The following ACTR8 variants were observed in gnomAD, a reference collection of about 807,000 sequenced individuals.
ACTR8 encodes actin-related protein 8.
In ACTR8, 70 loss-of-function variants were observed where a neutral mutation model predicts 84.3. The ratio of observed to expected loss-of-function variants is 0.83; its 90% CI spans 0.68 to 1.01. The LOEUF (loss-of-function observed/expected upper bound fraction) is 1.01, where lower values mean the gene tolerates loss of function less well. ACTR8 is among the 50% of genes least tolerant of loss of function. The probability of loss-of-function intolerance (pLI) is 0.00; values close to 1 mark genes in which losing one functional copy is unlikely to be tolerated. For missense variants in ACTR8, 672 were observed against 775.4 expected (o/e 0.87, Z 1.58); for synonymous variants, 268 against 275.2 (o/e 0.97, Z 0.26).
chr3:53,874,997 C>G (rs1699945259), intron 7 of ACTR8, among the ~76,000 whole-genome samples: 1 of 152,326 alleles, frequency 6.6e-6, no homozygotes, highest in South Asian at 2.1e-4. Flanking sequence ...TCTACACTCA[C>G]TAGCATGTAA....
In ACTR8 at chr3:53,871,293, C is replaced by T. The variant is rs770548322; in HGVS notation, c.1506G>A (p.Ser502=). 43 of 1,614,142 alleles carry T rather than the reference C, an allele frequency of 2.7e-5. No individual in the cohort carries two copies. The highest frequency in any genetic ancestry group is 3.3e-5 in the Admixed American group (2 of 60,014). The change falls in exon 11 of 13, where the codon TCG becomes TCA. Residue 502 remains serine (S), a synonymous_variant. Coordinates refer to ENST00000335754, the MANE Select transcript of ACTR8 (RefSeq NM_022899.5). Reference sequence around the variant, plus strand: ...GGCCCAGGGCTTTTCCTTCAAACAGCGAGATGGCAGTCTTCCTGGACATCA... The same window carrying T: ...GGCCCAGGGCTTTTCCTTCAAACAGTGAGATGGCAGTCTTCCTGGACATCA... ...TALMSRKTAI[S]LFEGKALGLD... is the part of the protein sequence containing the mutation.
the ACTR8 span, chr3:53,860,972 C>T: frequency 1.3e-5 from 2 of 152,192 alleles, no homozygotes; most frequent in Non-Finnish European, 2.9e-5. Flanking sequence ...GGTATTAAAT[C>T]ATAACTGCAT....
At position 53,880,079 on chromosome 3, in the gene ACTR8, G is replaced by A. The variant is rs751576529; in HGVS notation, c.154C>T (p.His52Tyr). The change falls in exon 2 of 13, where the codon CAT (histidine) becomes TAT (tyrosine). Residue 52 changes from histidine to tyrosine, a missense_variant. Physicochemically the swap from His to Tyr is moderately conservative, Grantham distance 83. Coordinates refer to ENST00000335754, the MANE Select transcript of ACTR8 (RefSeq NM_022899.5). ...QIQSNFIIVI[H>Y]PGSTTLRIGR... ...ATCCTTAAAGTTGTTGAACCTGGATGTATGACAATGATGAAGTTGCTCTGG... is the reference window on the plus strand; with the variant it reads ...ATCCTTAAAGTTGTTGAACCTGGATATATGACAATGATGAAGTTGCTCTGG... 1.2e-6 allele frequency: 2 copies of A among 1,614,032 alleles called. No homozygotes were observed. Among genetic ancestry groups the A allele is most frequent in the Non-Finnish European group, 1.7e-6 (2 of 1,179,908 alleles).
At position 53,882,149 on chromosome 3, in the gene ACTR8, G is replaced by A. The variant is rs1283117783; in HGVS notation, c.-48C>T. The A allele has an allele frequency of 6.5e-7, 1 of 1,543,658 alleles. No homozygotes were observed. On this transcript the variant is annotated 5_prime_UTR_variant, in exon 1 of 13. Transcript: ENST00000335754. ...CCTCTCGCCTCAGCGCTGCAGCCAC[G>A]ACTGCCGGGATGGAAGGGCCACCGC... is the stretch of plus-strand genomic sequence containing the variant.
chr3:53,881,388 T>G (rs1700057413), intron 1 of ACTR8, among the ~76,000 whole-genome samples: 1 of 152,372 alleles, frequency 6.6e-6, no homozygotes, highest in East Asian at 1.9e-4. Flanking sequence ...GGCACGCTAC[T>G]GCAAATAATT....
chr3:53,870,489 A>G lies in ACTR8; in HGVS notation c.1568-344T>C, dbSNP rs950879759. On this transcript the variant is annotated intron_variant, in intron 11 of 12. Transcript: ENST00000335754. This position sits in a 1 kb window ranked among gnomAD's most constrained non-coding sequence, Gnocchi z 4.1. ...AACATAGTGAAACCCTGTCTCTACT[A>G]AAAATACAAAAAGTAGCCGGGCATG... Among the ~76,000 whole-genome samples, 25 of 152,120 alleles carry G rather than the reference A, an allele frequency of 1.6e-4. No homozygotes were observed. The highest frequency in any genetic ancestry group is 6.0e-4 in the African/African-American group (25 of 41,404).
intron 3 of ACTR8, 62 bp downstream of exon 3, chr3:53,878,295 G>A: frequency 8.2e-7 from 1 of 1,222,074 alleles, no homozygotes; most frequent in East Asian, 2.3e-5. Context: ...GGAAGAACAT[G>A]TGAATGGTAT....
At position 53,872,462 on chromosome 3, in the gene ACTR8, CAA is replaced by C; in HGVS notation, c.1222_1223del (p.Leu408AlafsTer9). ...FGIVGQKMTT[L>X]QHRSQGDPED... is the part of the protein sequence containing the mutation. ...CAGGATCGCCCTGAGATCTGTGCTG[CAA>C]AGTCGTCATTTTCTGTCCAACGATT... On this transcript the variant is annotated frameshift_variant, in exon 10 of 13. Coordinates refer to ENST00000335754, the MANE Select transcript of ACTR8 (RefSeq NM_022899.5). LOFTEE classifies it high-confidence loss of function. The C allele has an allele frequency of 6.2e-7, 1 of 1,610,952 alleles. No homozygotes were observed. Among genetic ancestry groups the C allele is most frequent in the Non-Finnish European group, 8.5e-7 (1 of 1,178,936 alleles).
rs2107072794 is a variant in ACTR8 at position 53,878,474 on chromosome 3, A to G, written c.295-7T>C. ...GTTCATTACTTTCTGGTTTCTGGGGAAAAAATGAAAGATGAGCAGTACAAA... is the reference window on the plus strand; with the variant it reads ...GTTCATTACTTTCTGGTTTCTGGGGGAAAAATGAAAGATGAGCAGTACAAA... On this transcript the variant is annotated splice_region_variant and splice_polypyrimidine_tract_variant and intron_variant, in intron 2 of 12. Transcript: ENST00000335754. The G allele has an allele frequency of 1.3e-6, 2 of 1,561,908 alleles. No homozygotes were observed. The highest frequency in any genetic ancestry group is 1.8e-6 in the Non-Finnish European group (2 of 1,135,404).
the ACTR8 span, chr3:53,860,440 T>G: frequency 9.9e-6 from 4 of 403,506 alleles, no homozygotes; most frequent in Non-Finnish European, 1.8e-5. Context: ...CTTCCAGATC[T>G]TCTGACTGTC....
At chr3:53,879,829 A>T in intron 2 of ACTR8, 110 bp downstream of exon 2, 1 of 1,140,208 alleles carries the variant, frequency 8.8e-7, no homozygotes, top group East Asian at 2.4e-5. Context: ...TTAATGTTTT[A>T]AAACACAGCA....
At chr3:53,873,155 G>C (rs1461577640) in intron 8 of ACTR8, 28 bp from the exon 9 acceptor site, 5 of 1,527,556 alleles carry the variant, frequency 3.3e-6, no homozygotes, top group Non-Finnish European at 9.0e-7. Flanking sequence ...TGCTGTCAGT[G>C]AATCAGTAAG....
chr3:53,872,539 A>G lies in ACTR8; in HGVS notation c.1162-15T>C. 1 of 1,569,332 alleles carries G rather than the reference A, an allele frequency of 6.4e-7. No individual in the cohort carries two copies. Reference sequence around the variant, plus strand: ...GCCATTGGAGCCTGTACATGAAGAAAAAGAGTGATCAACAAAAGATACTGC... The same window carrying G: ...GCCATTGGAGCCTGTACATGAAGAAGAAGAGTGATCAACAAAAGATACTGC... On this transcript the variant is annotated splice_polypyrimidine_tract_variant and intron_variant, in intron 9 of 12. Coordinates refer to ENST00000335754, the MANE Select transcript of ACTR8 (RefSeq NM_022899.5).
Position 53,870,111 on chromosome 3 carries a change from G to A in ACTR8, c.1602C>T (p.Ser534=). The part of the protein sequence containing the change: ...SDDTKKKMYS[S]ILVVGGGLMF... ...TCAAACCACCTCCCACCACTAGGAT[G>A]GAGCTGTACATCTTCTTTTTGGTGT... The change falls in exon 12 of 13, where the codon TCC becomes TCT. Residue 534 remains serine (S), a synonymous_variant. Coordinates refer to ENST00000335754, the MANE Select transcript of ACTR8 (RefSeq NM_022899.5). The surrounding 1 kb of genome is among the most constrained non-coding windows in gnomAD (Gnocchi z 4.1). The A allele has an allele frequency of 6.2e-7, 1 of 1,614,076 alleles. No individual in the cohort carries two copies. Among genetic ancestry groups the A allele is most frequent in the South Asian group, 1.1e-5 (1 of 91,068 alleles).
rs1259616344 is a variant in ACTR8, at chr3:53,877,759, G to C, written c.406-8C>G. 2 of 1,610,946 alleles carry C rather than the reference G, an allele frequency of 1.2e-6. No homozygotes were observed. Among genetic ancestry groups the C allele is most frequent in the South Asian group, 1.1e-5 (1 of 90,744 alleles). On this transcript the variant is annotated splice_polypyrimidine_tract_variant and splice_region_variant and intron_variant, in intron 3 of 12. Coordinates refer to ENST00000335754, the MANE Select transcript of ACTR8 (RefSeq NM_022899.5). ...CTTATTGTAGGAGCGTGCCTGAAAAGAAAAACCATCAGAAAATTATCTCAA... is the reference window on the plus strand; with the variant it reads ...CTTATTGTAGGAGCGTGCCTGAAAACAAAAACCATCAGAAAATTATCTCAA...
At chr3:53,869,017 C>T (rs1476059193) in intron 12 of ACTR8, among the ~76,000 whole-genome samples, 155 bp from the exon 13 acceptor site, 3 of 152,244 alleles carry the variant, frequency 2.0e-5, no homozygotes. Flanking sequence ...AATACAGGCT[C>T]ACGCCTGTAA....
chr3:53,868,773 C>A lies in ACTR8; in HGVS notation c.1821G>T (p.Glu607Asp). Residue 607 changes from glutamate (E) to aspartate (D), a missense_variant, in exon 13 of 13, where the codon GAG becomes GAT. Transcript: ENST00000335754. ...TTQELWIYQR[E>D]WQRFGVRMLR... is the part of the protein sequence containing the mutation. ...ACATGCGGACACCAAAGCGCTGCCA[C>A]TCTCGCTGATAAATCCACAGTTCCT... The A allele has an allele frequency of 6.2e-7, 1 of 1,614,248 alleles. No homozygotes were observed. Among genetic ancestry groups the A allele is most frequent in the Non-Finnish European group, 8.5e-7 (1 of 1,180,050 alleles).
Position 53,867,613 on chromosome 3 carries a change from G to C in ACTR8, c.*1106C>G, listed in dbSNP as rs1699813509. 6.6e-6 allele frequency: 1 copy of C among 152,234 alleles called. No individual in the cohort carries two copies. Among genetic ancestry groups the C allele is most frequent in the African/African-American group, 2.4e-5 (1 of 41,430 alleles). The allele number at this position is 152,234 out of a possible 1,614,324, so 9.4% of individuals were successfully genotyped here. ...TCACCCCCATCTCTAGCCATGGTAAGTGAGATGGCGGAAGCAGGTGCCTAG... is the reference window on the plus strand; with the variant it reads ...TCACCCCCATCTCTAGCCATGGTAACTGAGATGGCGGAAGCAGGTGCCTAG... On this transcript the variant is annotated 3_prime_UTR_variant, in exon 13 of 13. Coordinates refer to ENST00000335754, the MANE Select transcript of ACTR8 (RefSeq NM_022899.5).
chr3:53,860,014 CTAAAAAATAA>C, the ACTR8 span: 1 of 761,042 alleles, frequency 1.3e-6, no homozygotes, highest in South Asian at 2.2e-5. Context: ...TGTCTCAAAA[CTAAAAAATAA>C]TAAAAAATAA....
Sources: allele counts gnomAD v4.1 joint callset (sites outside exome capture counted in the v4.1 genomes callset), GRCh38; gene constraint gnomAD v4.1.1; non-coding constraint Gnocchi (gnomAD v3.1); transcripts MANE v1.5; gene names NCBI Gene and HGNC (gene_info 2026-07-23, HGNC 2026-07-21).